NRG3: variants seen among roughly 807,000 people sequenced by gnomAD.
The protein encoded by NRG3 is pro-neuregulin-3, membrane-bound isoform.
Under a neutral mutation model 66.9 loss-of-function variants are expected in NRG3, and 31 were observed. The ratio of observed to expected loss-of-function variants is 0.46; its 90% CI spans 0.35 to 0.63. The LOEUF (loss-of-function observed/expected upper bound fraction) is 0.63. Ranked by LOEUF, NRG3 falls within the 20% of genes least tolerant of loss-of-function variation. The pLI, the probability that NRG3 is intolerant of heterozygous loss-of-function variation, is 0.00. For missense variants in NRG3, 910 were observed against 878.9 expected, an observed-to-expected ratio of 1.04 and a Z score of -0.45; for synonymous variants, 393 against 359.4, an observed-to-expected ratio of 1.09 and a Z score of -1.06.
At chr10:81,925,747 TA>T (rs34656715) in intron 1 of NRG3, among the ~76,000 whole-genome samples, 18,964 of 150,232 alleles carry the variant, frequency 0.13, 1,323 homozygotes, top group South Asian at 0.2. Context: ...ACTTTTTTTT[TA>T]AAAAAAAAAG....
chr10:82,381,256 G>C (rs1169945507), intron 2 of NRG3, among the ~76,000 whole-genome samples: 2 of 152,108 alleles, frequency 1.3e-5, no homozygotes, highest in African/African-American at 2.4e-5. Flanking sequence ...TAATGGTGAT[G>C]TTAATGATGA....
intron 1 of NRG3, among the ~76,000 whole-genome samples, chr10:82,195,869 G>T (rs182728916): frequency 6.6e-6 from 1 of 152,196 alleles, no homozygotes; most frequent in Non-Finnish European, 1.5e-5. Flanking sequence ...AAGACAAAAG[G>T]TGGCTGCAGA....
chr10:82,208,304 T>G (rs2075227565), intron 1 of NRG3, among the ~76,000 whole-genome samples: 1 of 152,162 alleles, frequency 6.6e-6, no homozygotes, highest in Non-Finnish European at 1.5e-5. Flanking sequence ...AATAAAGAGT[T>G]GCACCTGGAT....
intron 2 of NRG3, among the ~76,000 whole-genome samples, chr10:82,430,333 C>T (rs1486399704): frequency 6.6e-6 from 1 of 152,080 alleles, no homozygotes; most frequent in African/African-American, 2.4e-5. Flanking sequence ...TCTCGGCTCA[C>T]TGTAAGCTCT....
At chr10:82,462,781 T>C (rs2131981246) in intron 2 of NRG3, among the ~76,000 whole-genome samples, 1 of 152,224 alleles carries the variant, frequency 6.6e-6, no homozygotes, top group South Asian at 2.1e-4. Context: ...AGATAGTAAA[T>C]CTGATTTGAG....
intron 2 of NRG3, among the ~76,000 whole-genome samples, chr10:82,618,849 AC>A (rs1247858270): frequency 1.3e-5 from 2 of 151,998 alleles, no homozygotes; most frequent in African/African-American, 2.4e-5. Flanking sequence ...CAAATTTTGC[AC>A]CCTTTTTATG....
chr10:82,010,358 G>A (rs534379596), intron 1 of NRG3, among the ~76,000 whole-genome samples: 1 of 152,228 alleles, frequency 6.6e-6, no homozygotes, highest in East Asian at 1.9e-4. Context: ...AATATTTAAA[G>A]GCATCTTTGT....
At chr10:82,115,702 C>T (rs1164609486) in intron 1 of NRG3, among the ~76,000 whole-genome samples, 2 of 152,118 alleles carry the variant, frequency 1.3e-5, no homozygotes, top group African/African-American at 4.8e-5. Context: ...TGGGCATTTA[C>T]ACTAGAGTCA....
chr10:81,997,606 G>C (rs919016852), intron 1 of NRG3, among the ~76,000 whole-genome samples: 1 of 152,032 alleles, frequency 6.6e-6, no homozygotes, highest in Non-Finnish European at 1.5e-5. Context: ...TATCTCGGAG[G>C]CTCCGTTTCT....
intron 8 of NRG3, among the ~76,000 whole-genome samples, chr10:82,979,803 G>C (rs141419799): frequency 6.6e-6 from 1 of 152,104 alleles, no homozygotes; most frequent in Non-Finnish European, 1.5e-5. Flanking sequence ...CTAAACATGC[G>C]ATCCTTGCTT....
At chr10:82,254,043 C>T (rs1234065028) in intron 1 of NRG3, among the ~76,000 whole-genome samples, 1 of 152,212 alleles carries the variant, frequency 6.6e-6, no homozygotes, top group Non-Finnish European at 1.5e-5. Context: ...TCACGAAGCC[C>T]CCTCTACCCC....
Position 81,988,218 on chromosome 10 carries a change from G to A in NRG3, c.823+112055G>A, listed in dbSNP as rs1039501243. On this transcript the variant is annotated intron_variant, in intron 1 of 8. Coordinates refer to ENST00000372141, the MANE Select transcript of NRG3 (RefSeq NM_001010848.4). ...TTCTTAAGTAAATGGTCTAGAGGTC[G>A]TAGGAGTTAGCCCAGCTCCACTACC... 1.4e-4 allele frequency among the ~76,000 whole-genome samples: 22 copies of A among 152,158 alleles called. 1 individual carries two copies. Among genetic ancestry groups the A allele is most frequent in the South Asian group, 8.3e-4 (4 of 4,828 alleles).
chr10:82,240,923 C>T (rs563963811), intron 1 of NRG3, among the ~76,000 whole-genome samples: 3 of 152,074 alleles, frequency 2.0e-5, no homozygotes, highest in Admixed American at 2.0e-4. Flanking sequence ...TTAAAAAACC[C>T]TGTTACAATG....
chr10:82,953,337 G>A (rs962056787), intron 5 of NRG3, among the ~76,000 whole-genome samples: 2 of 151,962 alleles, frequency 1.3e-5, no homozygotes, highest in Non-Finnish European at 2.9e-5. Flanking sequence ...ATGACAGATA[G>A]GTTCTTTAAT....
At chr10:82,552,653 T>G (rs1019819421) in intron 2 of NRG3, among the ~76,000 whole-genome samples, 5 of 152,176 alleles carry the variant, frequency 3.3e-5, no homozygotes, top group African/African-American at 1.2e-4. Flanking sequence ...CAGGGCTACC[T>G]TCTTGATCCT....
At chr10:82,370,646 G>C (rs899957905) in intron 2 of NRG3, among the ~76,000 whole-genome samples, 2 of 152,116 alleles carry the variant, frequency 1.3e-5, no homozygotes, top group Non-Finnish European at 2.9e-5. Flanking sequence ...AGGTAGAAGA[G>C]AGCGCCCTAA....
chr10:82,362,524 C>T (rs2084227058), intron 2 of NRG3, among the ~76,000 whole-genome samples: 1 of 143,252 alleles, frequency 7.0e-6, no homozygotes, highest in South Asian at 2.2e-4. Flanking sequence ...CAGGTGCTCA[C>T]CACCATGCCC....
At chr10:82,693,292 C>G (rs527521401) in intron 2 of NRG3, among the ~76,000 whole-genome samples, 63 of 152,068 alleles carry the variant, frequency 4.1e-4, no homozygotes, top group Non-Finnish European at 7.1e-4. Context: ...GTTTCTTTAA[C>G]CACATTGCTA....
chr10:81,969,446 G>A (rs1305097262), intron 1 of NRG3, among the ~76,000 whole-genome samples: 1 of 152,188 alleles, frequency 6.6e-6, no homozygotes, highest in Non-Finnish European at 1.5e-5. Context: ...TCTTACTGGT[G>A]TAGACAGGAG....
Sources: gnomAD v4.1 joint callset for allele counts (sites outside exome capture counted in the v4.1 genomes callset) on GRCh38, gnomAD v4.1.1 for gene constraint, MANE v1.5 for transcripts, NCBI Gene and HGNC (gene_info 2026-07-23, HGNC 2026-07-21) for gene names.